POU4F2: variants seen among roughly 807,000 people sequenced by gnomAD.
The protein encoded by POU4F2 is POU domain, class 4, transcription factor 2.
A neutral mutation model predicts 21.5 loss-of-function variants in POU4F2; 10 were observed. The ratio of observed to expected loss-of-function variants is 0.46; its 90% CI spans 0.29 to 0.79. POU4F2 has a LOEUF of 0.79. Ranked by LOEUF, POU4F2 falls within the 30% of genes least tolerant of loss-of-function variation. The pLI is 0.10. For synonymous variants in POU4F2, 324 were observed against 271.1 expected (o/e 1.20, Z -1.92); for missense variants, 623 against 603.3 (o/e 1.03, Z -0.34).
At position 146,638,988 on chromosome 4, in the gene POU4F2, C is replaced by A; in HGVS notation, c.-153C>A. The A allele has an allele frequency of 1.1e-6, 1 of 926,780 alleles. No homozygotes were observed. The highest frequency in any genetic ancestry group is 1.6e-6 in the Non-Finnish European group (1 of 644,178). 57.4% of individuals were successfully genotyped at this position (926,780 alleles called of 1,614,324 possible). A position where few individuals can be genotyped will look rare whatever the true frequency, so the allele number is the denominator to read the frequency against. The stretch of plus-strand genomic sequence containing the variant: ...CGGCGAAGGAGCGCGTAGCCGAGAT[C>A]AGGCGTACAGAGTCCGGAGGCGGCG... On this transcript the variant is annotated 5_prime_UTR_variant, in exon 1 of 2. Coordinates refer to ENST00000281321, the MANE Select transcript of POU4F2 (RefSeq NM_004575.3).
chr4:146,639,962 C>A lies in POU4F2; in HGVS notation c.384C>A (p.His128Gln). 1.2e-6 allele frequency: 2 copies of A among 1,611,824 alleles called. No homozygotes were observed. Among genetic ancestry groups the A allele is most frequent in the Non-Finnish European group, 8.5e-7 (1 of 1,178,724 alleles). ...TCTCCCAGAGCAAGAGCCACCACCACCATCCACCCCACCACAGCCCCTTCA... is the reference window on the plus strand; with the variant it reads ...TCTCCCAGAGCAAGAGCCACCACCAACATCCACCCCACCACAGCCCCTTCA... ...DIVSQSKSHH[H>Q]HPPHHSPFKP... Residue 128 changes from histidine (H) to glutamine (Q), a missense_variant, in exon 2 of 2, where the codon CAC becomes CAA. Transcript: ENST00000281321.
At position 146,640,557 on chromosome 4, in the gene POU4F2, G is replaced by C. The variant is rs766389226; in HGVS notation, c.979G>C (p.Glu327Gln). ...PILQAWLEEA[E>Q]KSHREKLTKP... ...CCTGCAGGCATGGCTCGAGGAGGCC[G>C]AGAAGTCCCACCGCGAGAAGCTCAC... Residue 327 changes from glutamate (E) to glutamine (Q), a missense_variant, in exon 2 of 2, where the codon GAG (glutamate) becomes CAG (glutamine). Physicochemically the swap from Glu to Gln is conservative, Grantham distance 29 (BLOSUM62 2). Coordinates refer to ENST00000281321, the MANE Select transcript of POU4F2 (RefSeq NM_004575.3). This position sits in a 1 kb window ranked among gnomAD's most constrained non-coding sequence, Gnocchi z 4.8. The C allele has an allele frequency of 1.9e-6, 3 of 1,613,704 alleles. No individual in the cohort carries two copies. In the South Asian group the frequency reaches 3.3e-5, roughly 18 times the overall value.
rs914380426 is a variant in POU4F2 at position 146,639,371 on chromosome 4, C to A, written c.231C>A (p.Gly77=). ...GAAGCAGCAGCTCCAGCAGCAGTGG[C>A]AGCAGCGGCGGCGGGGGCTCGGAGG... ...GGRSSSSSSS[G]SSGGGGSEAM... Residue 77 remains glycine, a synonymous_variant, in exon 1 of 2, where the codon GGC becomes GGA. Transcript: ENST00000281321. 8 of 1,473,272 alleles carry A rather than the reference C, an allele frequency of 5.4e-6. No homozygotes were observed. Among genetic ancestry groups the A allele is most frequent in the Non-Finnish European group, 7.1e-6 (8 of 1,119,308 alleles). The allele number at this position is 1,473,272 out of a possible 1,614,324, so 91.3% of individuals were successfully genotyped here.
Position 146,640,728 on chromosome 4 carries a change from C to T in POU4F2, c.1150C>T (p.Leu384=), listed in dbSNP as rs1425428858. ...CGCCGCCATCGCGGAGAAGCTGGAC[C>T]TGAAGAAAAACGTGGTGCGCGTCTG... is the stretch of plus-strand genomic sequence containing the variant. ...KIAAIAEKLD[L]KKNVVRVWFC... Residue 384 remains leucine, a synonymous_variant, in exon 2 of 2, where the codon CTG becomes TTG. Transcript: ENST00000281321. The surrounding 1 kb of genome is among the most constrained non-coding windows in gnomAD (Gnocchi z 4.8). The T allele has an allele frequency of 6.2e-7, 1 of 1,614,124 alleles. No homozygotes were observed. The highest frequency in any genetic ancestry group is 1.1e-5 in the South Asian group (1 of 91,062).
Position 146,640,580 on chromosome 4 carries a change from C to A in POU4F2, c.1002C>A (p.Leu334=). The part of the protein sequence containing the change: ...EEAEKSHREK[L]TKPELFNGAE... ...CCGAGAAGTCCCACCGCGAGAAGCT[C>A]ACCAAGCCTGAACTCTTCAATGGCG... The change falls in exon 2 of 2, where the codon CTC becomes CTA. Residue 334 remains leucine (L), a synonymous_variant. Transcript: ENST00000281321. The surrounding 1 kb of genome is among the most constrained non-coding windows in gnomAD (Gnocchi z 4.8). The A allele has an allele frequency of 6.2e-7, 1 of 1,613,964 alleles. No homozygotes were observed. The highest frequency in any genetic ancestry group is 8.5e-7 in the Non-Finnish European group (1 of 1,179,874).
chr4:146,639,123 GC>G lies in POU4F2; in HGVS notation c.-14del. On this transcript the variant is annotated 5_prime_UTR_variant, in exon 1 of 2. Coordinates refer to ENST00000281321, the MANE Select transcript of POU4F2 (RefSeq NM_004575.3). Reference sequence around the variant, plus strand: ...CCAGTGAGTGCCTCTACGGACCAGCGCCCCGGCGGGCGGGAAGATGATGATG... The same window carrying G: ...CCAGTGAGTGCCTCTACGGACCAGCGCCCGGCGGGCGGGAAGATGATGATG... The G allele has an allele frequency of 6.2e-7, 1 of 1,600,394 alleles. No homozygotes were observed. The highest frequency in any genetic ancestry group is 8.5e-7 in the Non-Finnish European group (1 of 1,174,584).
chr4:146,639,032 G>A lies in POU4F2; in HGVS notation c.-109G>A, dbSNP rs930892232. The A allele has an allele frequency of 1.4e-6, 2 of 1,422,384 alleles. No homozygotes were observed. Among genetic ancestry groups the A allele is most frequent in the Admixed American group, 2.9e-5 (1 of 34,508 alleles). 88.1% of individuals were successfully genotyped at this position (1,422,384 alleles called of 1,614,324 possible). On this transcript the variant is annotated 5_prime_UTR_variant, in exon 1 of 2. Transcript: ENST00000281321. ...GGCGGCGGCGGGTGAGCTCAACTTCGCACAGCCCTTCCCAGCTCCAGCCCC... is the reference window on the plus strand; with the variant it reads ...GGCGGCGGCGGGTGAGCTCAACTTCACACAGCCCTTCCCAGCTCCAGCCCC...
chr4:146,640,357 C>T lies in POU4F2; in HGVS notation c.779C>T (p.Ala260Val). ...DVDADPRDLE[A>V]FAERFKQRRI... ...GACGCCGACCCGCGGGACCTGGAGG[C>T]ATTCGCCGAGCGCTTCAAGCAGCGA... Residue 260 changes from alanine (A) to valine (V), a missense_variant, in exon 2 of 2, where the codon GCA becomes GTA. Transcript: ENST00000281321. This position sits in a 1 kb window ranked among gnomAD's most constrained non-coding sequence, Gnocchi z 4.8. 3.1e-6 allele frequency: 5 copies of T among 1,594,802 alleles called. No individual in the cohort carries two copies. Among genetic ancestry groups the T allele is most frequent in the Non-Finnish European group, 3.4e-6 (4 of 1,173,486 alleles).
Position 146,639,976 on chromosome 4 carries a change from A to T in POU4F2, c.398A>T (p.His133Leu). The change falls in exon 2 of 2, where the codon CAC becomes CTC. Residue 133 changes from histidine (H) to leucine (L), a missense_variant. Around this residue, in one of 3 missense-constraint regions of POU4F2, gnomAD observed 523 missense variants for 504.1 expected, o/e 1.04. Coordinates refer to ENST00000281321, the MANE Select transcript of POU4F2 (RefSeq NM_004575.3). Reference protein sequence around the residue: ...SKSHHHHPPHHSPFKPDATYH... With the variant: ...SKSHHHHPPHLSPFKPDATYH... ...AGCCACCACCACCATCCACCCCACC[A>T]CAGCCCCTTCAAACCGGACGCCACC... The T allele has an allele frequency of 1.9e-6, 3 of 1,613,100 alleles. No homozygotes were observed. Among genetic ancestry groups the T allele is most frequent in the Non-Finnish European group, 1.7e-6 (2 of 1,179,630 alleles).
In POU4F2 at chr4:146,640,947, C is replaced by G; in HGVS notation, c.*139C>G. ...GACAAATCGAGGACTGAAGAGGGAG[C>G]GAACGAGCGAACAACTGAGCCCAAG... On this transcript the variant is annotated 3_prime_UTR_variant, in exon 2 of 2. Transcript: ENST00000281321. This position sits in a 1 kb window ranked among gnomAD's most constrained non-coding sequence, Gnocchi z 4.8. 2 of 865,134 alleles carry G rather than the reference C, an allele frequency of 2.3e-6. No homozygotes were observed. Among genetic ancestry groups the G allele is most frequent in the Non-Finnish European group, 3.4e-6 (2 of 596,792 alleles). 53.6% of individuals were successfully genotyped at this position (865,134 alleles called of 1,614,324 possible).
chr4:146,640,519 C>T lies in POU4F2; in HGVS notation c.941C>T (p.Ala314Val), dbSNP rs749757264. The T allele has an allele frequency of 1.2e-6, 2 of 1,614,134 alleles. No individual in the cohort carries two copies. Among genetic ancestry groups the T allele is most frequent in the Non-Finnish European group, 1.7e-6 (2 of 1,179,988 alleles). ...SLTLSHNNMI[A>V]LKPILQAWLE... ...ACACTGTCCCACAATAATATGATCG[C>T]GCTCAAACCCATCCTGCAGGCATGG... The change falls in exon 2 of 2, where the codon GCG becomes GTG. Residue 314 changes from alanine to valine, a missense_variant. Physicochemically the swap from Ala to Val is moderately conservative, Grantham distance 64 (BLOSUM62 0). Coordinates refer to ENST00000281321, the MANE Select transcript of POU4F2 (RefSeq NM_004575.3). The surrounding 1 kb of genome is among the most constrained non-coding windows in gnomAD (Gnocchi z 4.8).
rs777381197 is a variant in POU4F2, at chr4:146,640,338, G to A, written c.760G>A (p.Asp254Asn). ...HMGCMSDVDADPRDLEAFAER... is the reference protein window; with the variant it reads ...HMGCMSDVDANPRDLEAFAER... ...GGGCTGCATGAGCGACGTGGACGCC[G>A]ACCCGCGGGACCTGGAGGCATTCGC... Residue 254 changes from aspartate (D) to asparagine (N), a missense_variant, in exon 2 of 2, where the codon GAC (aspartate) becomes AAC (asparagine). This residue lies in a region of POU4F2 where 523 missense variants were observed against 504.1 expected (regional missense o/e 1.04). Transcript: ENST00000281321. The surrounding 1 kb of genome is among the most constrained non-coding windows in gnomAD (Gnocchi z 4.8). 47 of 1,581,684 alleles carry A rather than the reference G, an allele frequency of 3.0e-5. No individual in the cohort carries two copies. In the Admixed American group the frequency reaches 7.4e-4, roughly 25 times the overall value.
At position 146,638,927 on chromosome 4, in the gene POU4F2, G is replaced by A; in HGVS notation, c.-214G>A. On this transcript the variant is annotated 5_prime_UTR_variant, in exon 1 of 2. Transcript: ENST00000281321. ...TGCCGAGGTCTGCAGCTAGCGGCAA[G>A]CGGAGTCAGGCATCCGTTCAGACTG... The A allele has an allele frequency of 3.4e-6, 2 of 594,394 alleles. No homozygotes were observed. Among genetic ancestry groups the A allele is most frequent in the Non-Finnish European group, 5.6e-6 (2 of 360,102 alleles). 36.8% of individuals were successfully genotyped at this position (594,394 alleles called of 1,614,324 possible). A position where few individuals can be genotyped will look rare whatever the true frequency, so the allele number is the denominator to read the frequency against.
Position 146,640,823 on chromosome 4 carries a change from C to T in POU4F2, c.*15C>T. The T allele has an allele frequency of 6.4e-7, 1 of 1,558,386 alleles. No homozygotes were observed. The highest frequency in any genetic ancestry group is 2.3e-5 in the East Asian group (1 of 44,270). ...CCGGCATTTAGAAGACTCTTGGCCT[C>T]TCCAGAGACGCCCCTTTCCTCGTCC... On this transcript the variant is annotated 3_prime_UTR_variant, in exon 2 of 2. Transcript: ENST00000281321. This position sits in a 1 kb window ranked among gnomAD's most constrained non-coding sequence, Gnocchi z 4.8.
At position 146,639,305 on chromosome 4, in the gene POU4F2, TGGCGGCGGCGGCGGCGGCGGC is replaced by T. The variant is rs530695040; in HGVS notation, c.180_200del (p.Gly62_Gly68del). On this transcript the variant is annotated inframe_deletion, in exon 1 of 2. Transcript: ENST00000281321. ...CCAGCAGCTCGAGCAACGCTGGTGG[TGGCGGCGGCGGCGGCGGCGGC>T]GGCGGCGGCGGCGGAGGCCGAAGCA... is the stretch of plus-strand genomic sequence containing the variant. 340 of 1,306,216 alleles carry T rather than the reference TGGCGGCGGCGGCGGCGGCGGC, an allele frequency of 2.6e-4. 8 individuals are homozygous for T. Among genetic ancestry groups the T allele is most frequent in the Admixed American group, 6.1e-4 (19 of 31,356 alleles). 80.9% of individuals were successfully genotyped at this position (1,306,216 alleles called of 1,614,324 possible). A position where few individuals can be genotyped will look rare whatever the true frequency, so the allele number is the denominator to read the frequency against.
Position 146,640,598 on chromosome 4 carries a change from C to T in POU4F2, c.1020C>T (p.Phe340=), listed in dbSNP as rs1740867815. The stretch of plus-strand genomic sequence containing the variant: ...AGAAGCTCACCAAGCCTGAACTCTT[C>T]AATGGCGCGGAGAAGAAGCGCAAGC... The part of the protein sequence containing the change: ...HREKLTKPEL[F]NGAEKKRKRT... Residue 340 remains phenylalanine, a synonymous_variant, in exon 2 of 2, where the codon TTC becomes TTT. Transcript: ENST00000281321. The surrounding 1 kb of genome is among the most constrained non-coding windows in gnomAD (Gnocchi z 4.8). 3 of 1,613,988 alleles carry T rather than the reference C, an allele frequency of 1.9e-6. No individual in the cohort carries two copies. The African/African-American group carries it at 4.0e-5, about 22-fold the overall frequency.
rs1472499358 is a variant in POU4F2 at position 146,639,127 on chromosome 4, C to G, written c.-14C>G. On this transcript the variant is annotated 5_prime_UTR_variant, in exon 1 of 2. Coordinates refer to ENST00000281321, the MANE Select transcript of POU4F2 (RefSeq NM_004575.3). ...TGAGTGCCTCTACGGACCAGCGCCC[C>G]GGCGGGCGGGAAGATGATGATGATG... The G allele has an allele frequency of 3.1e-6, 5 of 1,599,568 alleles. No individual in the cohort carries two copies. Among genetic ancestry groups the G allele is most frequent in the Admixed American group, 1.7e-5 (1 of 58,438 alleles).
Position 146,639,909 on chromosome 4 carries a change from G to C in POU4F2, c.331G>C (p.Ala111Pro), listed in dbSNP as rs776725541. The change falls in exon 2 of 2, where the codon GCC (alanine) becomes CCC (proline). Residue 111 changes from alanine to proline, a missense_variant. Ala to Pro is a conservative substitution (Grantham distance 27). Around this residue, in one of 3 missense-constraint regions of POU4F2, gnomAD observed 523 missense variants for 504.1 expected, o/e 1.04. Transcript: ENST00000281321. ...GGLDESLLAR[A>P]EALAAVDIVS... ...GCTGGATGAGAGTCTGCTGGCCCGC[G>C]CCGAGGCTCTGGCAGCCGTGGACAT... 3.8e-6 allele frequency: 6 copies of C among 1,576,042 alleles called. No homozygotes were observed. The South Asian group carries it at 4.8e-5, about 13-fold the overall frequency.
Position 146,639,166 on chromosome 4 carries a change from A to T in POU4F2, c.26A>T (p.Lys9Met). 1 of 1,608,076 alleles carries T rather than the reference A, an allele frequency of 6.2e-7. No homozygotes were observed. Among genetic ancestry groups the T allele is most frequent in the Non-Finnish European group, 8.5e-7 (1 of 1,177,822 alleles). Residue 9 changes from lysine to methionine, a missense_variant, in exon 1 of 2, where the codon AAG becomes ATG. Physicochemically the swap from Lys to Met is moderately conservative, Grantham distance 95. This residue lies in a region of POU4F2 where 94 missense variants were observed against 74.1 expected (regional missense o/e 1.27). Transcript: ENST00000281321. MMMMSLNS[K>M]QAFSMPHGGS... ...ATGATGATGATGTCCCTGAACAGCA[A>T]GCAGGCGTTTAGCATGCCGCACGGC...
Sources: gnomAD v4.1 joint callset for allele counts on GRCh38, gnomAD v4.1.1 for gene constraint, gnomAD v4.1.1 regional missense constraint, Gnocchi (gnomAD v3.1) non-coding constraint, MANE v1.5 for transcripts, NCBI Gene and HGNC (gene_info 2026-07-23, HGNC 2026-07-21) for gene names.